The following PRIM2 variants were observed in gnomAD, a reference collection of about 807,000 sequenced individuals.
PRIM2 encodes DNA primase subunit 2, also known as DNA primase large subunit.
A neutral mutation model predicts 67.3 loss-of-function variants in PRIM2; 39 were observed. The ratio of observed to expected loss-of-function variants is 0.58; its 90% confidence interval spans 0.45 to 0.76. The LOEUF is 0.76. Ranked by LOEUF, PRIM2 falls within the 30% of genes least tolerant of loss-of-function variation. The probability of loss-of-function intolerance (pLI) is 0.00; values close to 1 mark genes in which losing one functional copy is unlikely to be tolerated. For synonymous variants in PRIM2, 143 were observed against 198.7 expected (o/e 0.72, Z 2.36); for missense variants, 398 against 598.7 (o/e 0.66, Z 3.50).
chr6:57,587,047 C>T (rs1776201946), intron 10 of PRIM2: 1 of 152,118 alleles, frequency 6.6e-6, no homozygotes, highest in Admixed American at 6.6e-5. Flanking sequence ...ATAATTTTAC[C>T]TGCAGCTGAA....
intron 5 of PRIM2, among the ~76,000 whole-genome samples, chr6:57,366,621 A>G: frequency 6.6e-6 from 1 of 152,122 alleles, no homozygotes; most frequent in East Asian, 1.9e-4. Context: ...GGACAGTGGC[A>G]AGAAAGTGGA....
intron 5 of PRIM2, among the ~76,000 whole-genome samples, chr6:57,370,375 T>TA (rs1581835797): frequency 6.6e-6 from 1 of 152,214 alleles, no homozygotes; most frequent in Non-Finnish European, 1.5e-5. Context: ...GATTTCAAAA[T>TA]AATGAAGTTA....
chr6:57,441,838 C>G (rs1772211503), intron 7 of PRIM2, among the ~76,000 whole-genome samples: 1 of 152,104 alleles, frequency 6.6e-6, no homozygotes, highest in Non-Finnish European at 1.5e-5. Flanking sequence ...TTCAGTAAGT[C>G]TGAGACTTTA....
intron 10 of PRIM2, among the ~76,000 whole-genome samples, chr6:57,590,918 A>G (rs1277021031): frequency 2.0e-5 from 3 of 152,242 alleles, no homozygotes; most frequent in Non-Finnish European, 2.9e-5. Context: ...GTTGCAAAGA[A>G]GTTAAGTAAA....
chr6:57,323,273 AG>A (rs1474928300), intron 3 of PRIM2, among the ~76,000 whole-genome samples: 3 of 152,054 alleles, frequency 2.0e-5, no homozygotes, highest in African/African-American at 7.2e-5. Flanking sequence ...TTTTCTCCAG[AG>A]GTTCTTAGCA....
At chr6:57,383,529 A>T (rs535996200) in intron 7 of PRIM2, 1 of 152,000 alleles carries the variant, frequency 6.6e-6, no homozygotes, top group South Asian at 2.1e-4. Context: ...ATTGTGGCTA[A>T]AAAGTATGAG....
intron 7 of PRIM2, among the ~76,000 whole-genome samples, chr6:57,488,686 G>A (rs1457468986): frequency 2.0e-5 from 3 of 152,194 alleles, no homozygotes; most frequent in Non-Finnish European, 4.4e-5. Context: ...GGTTGCAATT[G>A]TTGGATTCCT....
At chr6:57,614,403 G>A (rs1377256801) in intron 12 of PRIM2, among the ~76,000 whole-genome samples, 5 of 152,018 alleles carry the variant, frequency 3.3e-5, no homozygotes, top group Admixed American at 2.0e-4. Flanking sequence ...AGTAAAAGCC[G>A]TTGTTGCCTC....
intron 5 of PRIM2, among the ~76,000 whole-genome samples, chr6:57,332,879 G>C (rs1768099753): frequency 6.6e-6 from 1 of 151,966 alleles, no homozygotes; most frequent in South Asian, 2.1e-4. Flanking sequence ...TTTAATTACT[G>C]ATAACTTAGT....
chr6:57,621,944 T>C (rs1444079608), intron 12 of PRIM2, among the ~76,000 whole-genome samples: 2 of 149,462 alleles, frequency 1.3e-5, no homozygotes, highest in Admixed American at 6.7e-5. Context: ...TGGTTGACAG[T>C]TTTTTTTTTC....
intron 12 of PRIM2, among the ~76,000 whole-genome samples, chr6:57,618,758 C>T (rs1776797967): frequency 6.6e-6 from 1 of 152,170 alleles, no homozygotes; most frequent in African/African-American, 2.4e-5. Flanking sequence ...TCCCCCACAG[C>T]AGCCACAGCA....
chr6:57,336,239 T>C (rs1488554652), intron 5 of PRIM2, among the ~76,000 whole-genome samples: 1 of 152,288 alleles, frequency 6.6e-6, no homozygotes, highest in Non-Finnish European at 1.5e-5. Flanking sequence ...CTGATTGGTG[T>C]ACCTGAAAGT....
At chr6:57,239,056 T>C in the PRIM2 span, among the ~76,000 whole-genome samples, 610 of 152,262 alleles carry the variant, frequency 4.0e-3, 3 homozygotes, top group Non-Finnish European at 6.0e-3. Flanking sequence ...AGTGGCATGA[T>C]CTCAGCCCAC....
intron 5 of PRIM2, among the ~76,000 whole-genome samples, chr6:57,335,649 G>T (rs1222885992): frequency 6.6e-6 from 1 of 152,164 alleles, no homozygotes; most frequent in Non-Finnish European, 1.5e-5. Flanking sequence ...GCAGCTGAGG[G>T]TCCTGTCTGT....
At chr6:57,466,502 A>G (rs1308973397) in intron 7 of PRIM2, among the ~76,000 whole-genome samples, 1 of 152,160 alleles carries the variant, frequency 6.6e-6, no homozygotes, top group Non-Finnish European at 1.5e-5. Flanking sequence ...TGACTTTTTA[A>G]GGATTGTCAT....
chr6:57,541,930 C>T (rs1775165670), intron 10 of PRIM2, among the ~76,000 whole-genome samples: 1 of 151,340 alleles, frequency 6.6e-6, no homozygotes, highest in South Asian at 2.1e-4. Flanking sequence ...AATGTCTGGG[C>T]ATCTCATGGC....
At chr6:57,330,173 A>G (rs1768004052) in intron 5 of PRIM2, among the ~76,000 whole-genome samples, 2 of 151,688 alleles carry the variant, frequency 1.3e-5, no homozygotes, top group African/African-American at 4.8e-5. Context: ...ATCTTCTTTA[A>G]TTTTTTTCAA....
At chr6:57,310,718 G>A (rs961911781), upstream of PRIM2, among the ~76,000 whole-genome samples, 9 of 150,420 alleles carry the variant, frequency 6.0e-5, no homozygotes, top group Admixed American at 2.0e-4. Flanking sequence ...TGGGGTGGCC[G>A]GGCAGAGGCG....
intron 8 of PRIM2, among the ~76,000 whole-genome samples, chr6:57,524,538 C>T (rs1359220264): frequency 0.013 from 1,921 of 152,124 alleles, 36 homozygotes; most frequent in African/African-American, 0.044. Context: ...CCCGTCTCTA[C>T]TAAAAATACA....
Sources: allele counts gnomAD v4.1 joint callset (sites outside exome capture counted in the v4.1 genomes callset), GRCh38; gene constraint gnomAD v4.1.1; transcripts MANE v1.5; gene names NCBI Gene and HGNC (gene_info 2026-07-23, HGNC 2026-07-21).